The following BPIFB4 variants were observed in gnomAD, a reference collection of about 807,000 sequenced individuals.
BPIFB4 encodes BPI fold-containing family B member 4.
BPIFB4 carries 62 observed loss-of-function variants against 69.2 expected under a neutral mutation model. The observed-to-expected ratio is 0.90, with a 90% CI of 0.73 to 1.11. The LOEUF is 1.11. Ranked by LOEUF, BPIFB4 falls within the 50% of genes least tolerant of loss-of-function variation. The pLI is 0.00. For missense variants in BPIFB4, 789 were observed against 792.0 expected, an observed-to-expected ratio of 1.00 and a Z score of 0.04; for synonymous variants, 330 against 332.7, an observed-to-expected ratio of 0.99 and a Z score of 0.09.
Position 33,085,007 on chromosome 20 carries a change from T to G in BPIFB4, c.782+11T>G, listed in dbSNP as rs572180051. ...CATCAACGGGAAGAGGTGCGTGCCC[T>G]TGGCCCTGGAGGGGTCCCCACCACC... On this transcript the variant is annotated intron_variant, in intron 6 of 17. Transcript: ENST00000375483. 1 of 1,609,374 alleles carries G rather than the reference T, an allele frequency of 6.2e-7. No homozygotes were observed. Among genetic ancestry groups the G allele is most frequent in the African/African-American group, 1.3e-5 (1 of 75,020 alleles).
intron 12 of BPIFB4, among the ~76,000 whole-genome samples, chr20:33,097,314 G>A (rs1028512127): frequency 1.3e-5 from 2 of 152,172 alleles, no homozygotes; most frequent in African/African-American, 4.8e-5. Context: ...TCAGCACCTG[G>A]CCAGCATCTC....
intron 14 of BPIFB4, among the ~76,000 whole-genome samples, chr20:33,102,497 C>G (rs1372188504): frequency 6.6e-6 from 1 of 152,214 alleles, no homozygotes; most frequent in Non-Finnish European, 1.5e-5. Flanking sequence ...GTTCAGGGTG[C>G]GAGGCCTAGG....
chr20:33,096,220 G>A (rs1170842804), intron 12 of BPIFB4, among the ~76,000 whole-genome samples: 1 of 152,132 alleles, frequency 6.6e-6, no homozygotes, highest in Admixed American at 6.5e-5. Context: ...TATTTACTGG[G>A]TCACTTCCTA....
chr20:33,090,033 A>G (rs768294477), intron 9 of BPIFB4, among the ~76,000 whole-genome samples: 18 of 152,182 alleles, frequency 1.2e-4, no homozygotes, highest in African/African-American at 4.1e-4. Context: ...TCGGACCCTG[A>G]TTTCTGAGTG....
At chr20:33,092,821 T>A (rs1325211794) in intron 11 of BPIFB4, among the ~76,000 whole-genome samples, 163 bp downstream of exon 11, 1 of 152,246 alleles carries the variant, frequency 6.6e-6, no homozygotes, top group Non-Finnish European at 1.5e-5. Context: ...ATTACGTCAG[T>A]ACTTGCCAAA....
intron 14 of BPIFB4, among the ~76,000 whole-genome samples, chr20:33,100,940 C>T (rs969921472): frequency 8.5e-5 from 13 of 152,090 alleles, no homozygotes; most frequent in African/African-American, 2.9e-4. Context: ...CCTGTAATCC[C>T]AGCTACTCAG....
At position 33,103,433 on chromosome 20, in the gene BPIFB4, A is replaced by C. The variant is rs548294206; in HGVS notation, c.1680+419A>C. On this transcript the variant is annotated intron_variant, in intron 15 of 17. Transcript: ENST00000375483. ...ACCCACTCTGAGCCTCAGTTTCCCC[A>C]TCTGTAAAATGAATACAATTTGAGT... Among the ~76,000 whole-genome samples, 4 of 152,302 alleles carry C rather than the reference A, an allele frequency of 2.6e-5. No individual in the cohort carries two copies. In the South Asian group the frequency reaches 6.2e-4, roughly 24 times the overall value.
intron 17 of BPIFB4, among the ~76,000 whole-genome samples, chr20:33,110,006 C>T (rs1364121521): frequency 1.3e-5 from 2 of 152,198 alleles, no homozygotes; most frequent in African/African-American, 4.8e-5. Context: ...GAATACCCTT[C>T]TCCCAGCTCC....
intron 11 of BPIFB4, among the ~76,000 whole-genome samples, chr20:33,094,696 G>A (rs1199375907): frequency 6.6e-6 from 1 of 152,024 alleles, no homozygotes; most frequent in Non-Finnish European, 1.5e-5. Context: ...TAGTAGAGGC[G>A]GGATTTTCAC....
intron 17 of BPIFB4, among the ~76,000 whole-genome samples, chr20:33,108,548 A>G (rs1230372484): frequency 6.6e-6 from 1 of 151,782 alleles, no homozygotes; most frequent in Non-Finnish European, 1.5e-5. Context: ...TCAGTAGAGC[A>G]TTGGGGTTAA....
At chr20:33,109,266 C>T (rs753237142) in intron 17 of BPIFB4, among the ~76,000 whole-genome samples, 9 of 152,104 alleles carry the variant, frequency 5.9e-5, no homozygotes, top group Non-Finnish European at 1.2e-4. Flanking sequence ...TTAGGAAACA[C>T]GAACAGGATT....
At position 33,083,815 on chromosome 20, in the gene BPIFB4, G is replaced by C; in HGVS notation, c.618G>C (p.Gly206=). Residue 206 remains glycine, a synonymous_variant, in exon 5 of 18, where the codon GGG becomes GGC. Transcript: ENST00000375483. ...LLGDGGLLGG[G]GVLGVLGEGG... ...GTGATGGAGGACTTCTTGGAGGAGG[G>C]GGTGTCCTGGGCGTGCTCGGCGAGG... 1 of 1,613,618 alleles carries C rather than the reference G, an allele frequency of 6.2e-7. No homozygotes were observed. The highest frequency in any genetic ancestry group is 8.5e-7 in the Non-Finnish European group (1 of 1,179,746).
intron 11 of BPIFB4, among the ~76,000 whole-genome samples, chr20:33,093,945 T>TCTGTCTGTCTCC (rs1486657574): frequency 1.3e-5 from 2 of 151,714 alleles, no homozygotes; most frequent in Non-Finnish European, 2.9e-5. Flanking sequence ...TGTCTGTCTC[T>TCTGTCTGTCTCC]CTGTCTGTCT....
At position 33,091,192 on chromosome 20, in the gene BPIFB4, G is replaced by A. The variant is rs1324933519; in HGVS notation, c.1143+393G>A. ...ACTAGGTGCTAAAAGAGCTGCTGCT[G>A]TGGGATTGGGTGTACTGGAGGAATA... is the stretch of plus-strand genomic sequence containing the variant. On this transcript the variant is annotated intron_variant, in intron 10 of 17. Coordinates refer to ENST00000375483, the MANE Select transcript of BPIFB4 (RefSeq NM_182519.3). Among the ~76,000 whole-genome samples the A allele has an allele frequency of 2.6e-5, 4 of 152,238 alleles. No individual in the cohort carries two copies. In the East Asian group the frequency reaches 7.7e-4, roughly 29 times the overall value.
At chr20:33,106,454 C>T (rs944978365) in intron 16 of BPIFB4, among the ~76,000 whole-genome samples, 1 of 150,198 alleles carries the variant, frequency 6.7e-6, no homozygotes. Context: ...CTCACTGCAA[C>T]CTCTGCCTCC....
rs1170642832 is a variant in BPIFB4, at chr20:33,095,081, C to T, written c.1345-19C>T. On this transcript the variant is annotated intron_variant, in intron 11 of 17. Transcript: ENST00000375483. ...CGATAGCCTCCAGGATTCACGTGGCCCTTCTTCTTGTCCTATAGTTTGAAG... is the reference window on the plus strand; with the variant it reads ...CGATAGCCTCCAGGATTCACGTGGCTCTTCTTCTTGTCCTATAGTTTGAAG... 1.1e-5 allele frequency: 18 copies of T among 1,604,242 alleles called. No homozygotes were observed. Among genetic ancestry groups the T allele is most frequent in the Non-Finnish European group, 1.4e-5 (16 of 1,171,216 alleles).
intron 16 of BPIFB4, among the ~76,000 whole-genome samples, chr20:33,106,497 C>T (rs1049144767): frequency 1.3e-5 from 2 of 151,664 alleles, no homozygotes; most frequent in African/African-American, 2.4e-5. Flanking sequence ...CTCAGCCTCC[C>T]GAGTACCTGG....
At position 33,083,649 on chromosome 20, in the gene BPIFB4, A is replaced by G. The variant is rs1981322147; in HGVS notation, c.452A>G (p.Glu151Gly). 2 of 1,613,856 alleles carry G rather than the reference A, an allele frequency of 1.2e-6. No individual in the cohort carries two copies. Among genetic ancestry groups the G allele is most frequent in the Admixed American group, 3.3e-5 (2 of 59,988 alleles). ...AAPVGRLHRR[E>G]LQPGEIPPGV... ...CCTGTGGGCAGGCTTCACCGGCGAGAGCTGCAGCCTGGAGAAATCCCACCT... is the reference window on the plus strand; with the variant it reads ...CCTGTGGGCAGGCTTCACCGGCGAGGGCTGCAGCCTGGAGAAATCCCACCT... Residue 151 changes from glutamate (E) to glycine (G), a missense_variant, in exon 5 of 18, where the codon GAG becomes GGG. Glu to Gly is a moderately conservative substitution (Grantham distance 98). This residue lies in a region of BPIFB4 where 611 missense variants were observed against 575.4 expected (regional missense o/e 1.06). Transcript: ENST00000375483.
chr20:33,097,508 C>A, intron 12 of BPIFB4, 109 bp from the exon 13 acceptor site: 1 of 1,232,184 alleles, frequency 8.1e-7, no homozygotes, highest in Non-Finnish European at 1.1e-6. Context: ...GTTTGTTGGA[C>A]TCAAGCAACA....
Sources: gnomAD v4.1 joint callset for allele counts (sites outside exome capture counted in the v4.1 genomes callset) on GRCh38, gnomAD v4.1.1 for gene constraint, gnomAD v4.1.1 regional missense constraint, MANE v1.5 for transcripts, NCBI Gene and HGNC (gene_info 2026-07-23, HGNC 2026-07-21) for gene names.